ROBO2: variants seen among roughly 807,000 people sequenced by gnomAD.
The protein encoded by ROBO2 is roundabout homolog 2.
Under a neutral mutation model 160.8 loss-of-function variants are expected in ROBO2, and 53 were observed. That is an observed-to-expected ratio of 0.33 (90% CI 0.26 to 0.41). The LOEUF (loss-of-function observed/expected upper bound fraction) is 0.41, where lower values mean the gene tolerates loss of function less well. Ranked by LOEUF, ROBO2 falls within the 10% of genes least tolerant of loss-of-function variation. The pLI is 1.00. For synonymous variants in ROBO2, 664 were observed against 611.7 expected (o/e 1.09, Z -1.26); for missense variants, 1,577 against 1,722.4 (o/e 0.92, Z 1.49).
chr3:77,606,431 C>T (rs2094527575), intron 20 of ROBO2, among the ~76,000 whole-genome samples: 1 of 152,162 alleles, frequency 6.6e-6, no homozygotes. Context: ...AACTCTTGTC[C>T]TCTAAGCAAA....
rs141334554 is a variant in ROBO2, at chr3:76,757,647, G to A, written c.110-340367G>A. On this transcript the variant is annotated intron_variant, in intron 2 of 26. Coordinates refer to the ROBO2 transcript ENST00000487694. ...TATGTTGTTTCAAGCCAGCTAGAGC[G>A]TTGCTTTGTTAATCAAATAAACTAT... 2.4e-4 allele frequency among the ~76,000 whole-genome samples: 36 copies of A among 151,814 alleles called. No homozygotes were observed. In the East Asian group the frequency reaches 6.1e-3, roughly 26 times the overall value.
At chr3:77,410,711 CTCCTCT>C (rs1436534220) in intron 2 of ROBO2, among the ~76,000 whole-genome samples, 1 of 142,716 alleles carries the variant, frequency 7.0e-6, no homozygotes, top group African/African-American at 2.6e-5. Context: ...CCTCCTCCTC[CTCCTCT>C]TCCTCCTCCT....
chr3:77,639,909 G>C (rs1362422207), intron 24 of ROBO2, among the ~76,000 whole-genome samples: 2 of 152,046 alleles, frequency 1.3e-5, no homozygotes, highest in Non-Finnish European at 2.9e-5. Context: ...AATAGATGAC[G>C]GTGGTTCATA....
At chr3:76,092,230 C>G (rs1037611418) in intron 2 of ROBO2, among the ~76,000 whole-genome samples, 3 of 152,116 alleles carry the variant, frequency 2.0e-5, no homozygotes, top group Non-Finnish European at 2.9e-5. Context: ...GTCTGCCTAA[C>G]ACCTCTAAAA....
intron 2 of ROBO2, among the ~76,000 whole-genome samples, chr3:76,179,307 A>G (rs1701385851): frequency 6.6e-6 from 1 of 152,072 alleles, no homozygotes; most frequent in African/African-American, 2.4e-5. Flanking sequence ...AAGACTTTCA[A>G]AGCACTGCTA....
chr3:77,481,519 T>A (rs935527), intron 4 of ROBO2, among the ~76,000 whole-genome samples: 3,553 of 152,278 alleles, frequency 0.023, 150 homozygotes, highest in African/African-American at 0.081. Context: ...CTAAAGTTTA[T>A]CACTCATTCA....
chr3:77,412,139 C>T lies in ROBO2; in HGVS notation c.389-65275C>T, dbSNP rs1377694452. On this transcript the variant is annotated intron_variant, in intron 2 of 25. Transcript: ENST00000461745. ...AATACCAGGCGGTTCTAAAAGTACC[C>T]CAGGCAGTGCTTGCACGATCATTTG... Among the ~76,000 whole-genome samples the T allele has an allele frequency of 2.7e-5, 3 of 109,346 alleles. No individual in the cohort carries two copies. In the South Asian group the frequency reaches 1.1e-3, roughly 41 times the overall value. 71.7% of individuals were successfully genotyped at this position (109,346 alleles called of 152,430 possible). A position where few individuals can be genotyped will look rare whatever the true frequency, so the allele number is the denominator to read the frequency against.
At chr3:77,438,451 G>A (rs772871513) in intron 2 of ROBO2, among the ~76,000 whole-genome samples, 65 of 151,612 alleles carry the variant, frequency 4.3e-4, no homozygotes, top group Admixed American at 1.1e-3. Context: ...CCCAACCTAC[G>A]AGAGAGAGCA....
intron 2 of ROBO2, among the ~76,000 whole-genome samples, chr3:75,964,809 C>G (rs541026323): frequency 6.6e-6 from 1 of 151,720 alleles, no homozygotes; most frequent in South Asian, 2.1e-4. Flanking sequence ...CATGTTGTTA[C>G]ATTTATTTAT....
intron 2 of ROBO2, among the ~76,000 whole-genome samples, chr3:76,198,479 T>G (rs1215114333): frequency 3.9e-5 from 6 of 152,176 alleles, no homozygotes; most frequent in Non-Finnish European, 5.9e-5. Flanking sequence ...TGAAAGAAAT[T>G]ACTTTACCCC....
chr3:77,356,469 T>G (rs1187728367), intron 2 of ROBO2, among the ~76,000 whole-genome samples: 1 of 152,156 alleles, frequency 6.6e-6, no homozygotes, highest in Non-Finnish European at 1.5e-5. Flanking sequence ...GCAGTTCATA[T>G]TCACAGAGGA....
intron 2 of ROBO2, among the ~76,000 whole-genome samples, chr3:76,275,476 G>A (rs1368608557): frequency 6.6e-6 from 1 of 151,884 alleles, no homozygotes; most frequent in Non-Finnish European, 1.5e-5. Context: ...CAAAGACCTC[G>A]GTCTTTACTA....
intron 6 of ROBO2, among the ~76,000 whole-genome samples, chr3:77,540,325 G>A (rs1441207774): frequency 1.3e-5 from 2 of 152,078 alleles, no homozygotes; most frequent in Non-Finnish European, 2.9e-5. Context: ...ATTCTTCTTC[G>A]TATTAGATAT....
In ROBO2 at chr3:76,562,584, T is replaced by C. The variant is rs1001892139; in HGVS notation, c.110-535430T>C. The stretch of plus-strand genomic sequence containing the variant: ...CCTTTTCATTCAAATGCTCTTCTAC[T>C]CTTACAAAACAACCAATGGAGAATA... On this transcript the variant is annotated intron_variant, in intron 2 of 26. Coordinates refer to the ROBO2 transcript ENST00000487694. 4.6e-5 allele frequency among the ~76,000 whole-genome samples: 7 copies of C among 152,100 alleles called. No individual in the cohort carries two copies. In the East Asian group the frequency reaches 1.4e-3, roughly 29 times the overall value.
At chr3:76,568,572 C>T (rs557881536) in intron 2 of ROBO2, among the ~76,000 whole-genome samples, 1 of 152,084 alleles carries the variant, frequency 6.6e-6, no homozygotes, top group East Asian at 1.9e-4. Context: ...TCCCAAAGTG[C>T]TGGGATTACA....
intron 2 of ROBO2, among the ~76,000 whole-genome samples, chr3:76,909,495 G>T (rs1407946003): frequency 6.6e-6 from 1 of 151,992 alleles, no homozygotes; most frequent in Non-Finnish European, 1.5e-5. Context: ...TAAAATCTCA[G>T]AACTCACCAC....
chr3:76,119,912 C>CCCTCCCTCCCTCCCTT (rs1553650529), intron 2 of ROBO2, among the ~76,000 whole-genome samples: 2 of 84,902 alleles, frequency 2.4e-5, no homozygotes, highest in African/African-American at 1.0e-4. Flanking sequence ...TTCCTTCCCT[C>CCCTCCCTCCCTCCCTT]CCTCCCTTCC....
At chr3:77,618,437 ATAT>A (rs2153703503) in intron 22 of ROBO2, among the ~76,000 whole-genome samples, 1 of 152,320 alleles carries the variant, frequency 6.6e-6, no homozygotes, top group Non-Finnish European at 1.5e-5. Context: ...ATTAACACAG[ATAT>A]ATAAATGGGA....
At chr3:76,546,642 T>C (rs1169358361) in intron 2 of ROBO2, among the ~76,000 whole-genome samples, 1 of 151,902 alleles carries the variant, frequency 6.6e-6, no homozygotes. Flanking sequence ...AAATAACAAA[T>C]TTGTGTTGTT....
Sources: allele counts gnomAD v4.1 joint callset (sites outside exome capture counted in the v4.1 genomes callset), GRCh38; gene constraint gnomAD v4.1.1; transcripts MANE v1.5; gene names NCBI Gene and HGNC (gene_info 2026-07-23, HGNC 2026-07-21).